FXYD6: variants seen among roughly 807,000 people sequenced by gnomAD.
FXYD6 encodes the protein FXYD domain containing ion transport regulator 6.
A neutral mutation model predicts 16.7 loss-of-function variants in FXYD6; 7 were observed. The ratio of observed to expected loss-of-function variants is 0.42; its 90% CI spans 0.24 to 0.79. The LOEUF (loss-of-function observed/expected upper bound fraction) is 0.79, where lower values mean the gene tolerates loss of function less well. FXYD6 is among the 30% of genes least tolerant of loss of function. The pLI, the probability that FXYD6 is intolerant of heterozygous loss-of-function variation, is 0.28. For synonymous variants in FXYD6, 49 were observed against 43.0 expected (o/e 1.14, Z -0.54); for missense variants, 111 against 116.2 (o/e 0.95, Z 0.21).
At chr11:117,857,642 C>T (rs1022041324) in intron 1 of FXYD6, among the ~76,000 whole-genome samples, 1 of 152,048 alleles carries the variant, frequency 6.6e-6, no homozygotes, top group Admixed American at 6.5e-5. Flanking sequence ...CTCTTGACCT[C>T]GTGAGCCGCC....
At chr11:117,839,998 T>C in intron 6 of FXYD6, 168 bp from the exon 7 acceptor site, 1 of 837,242 alleles carries the variant, frequency 1.2e-6, no homozygotes, top group South Asian at 1.6e-5. Flanking sequence ...TACTTGCTGC[T>C]TACAGGAACC....
At chr11:117,859,850 T>C (rs2056864150) in intron 1 of FXYD6, among the ~76,000 whole-genome samples, 1 of 152,198 alleles carries the variant, frequency 6.6e-6, no homozygotes, top group African/African-American at 2.4e-5. Flanking sequence ...AGCTTCCCTG[T>C]TTTCATCCTT....
chr11:117,859,086 C>A (rs2134181840), intron 1 of FXYD6, among the ~76,000 whole-genome samples: 1 of 151,700 alleles, frequency 6.6e-6, no homozygotes, highest in African/African-American at 2.4e-5. Flanking sequence ...GATTCTGTGT[C>A]ATTTTCAACC....
chr11:117,872,207 G>A lies in FXYD6; in HGVS notation c.-6+4385C>T, dbSNP rs77157099. ...AGCTCTTCGGGAGAGGTGACAGGGC[G>A]TGTGAGAATGTGTGAGCCACTGCCT... is the stretch of plus-strand genomic sequence containing the variant. On this transcript the variant is annotated intron_variant, in intron 1 of 7. Transcript: ENST00000526014. The surrounding 1 kb of genome is among the most constrained non-coding windows in gnomAD (Gnocchi z 4.9). 9.1e-3 allele frequency among the ~76,000 whole-genome samples: 1,390 copies of A among 152,296 alleles called. 11 individuals carry two copies. The highest frequency in any genetic ancestry group is 0.012 in the Non-Finnish European group (814 of 68,026).
chr11:117,842,314 AG>A lies in FXYD6; in HGVS notation c.59-287del, dbSNP rs918819551. On this transcript the variant is annotated intron_variant, in intron 2 of 7. Transcript: ENST00000526014. ...TATTCTTACATCATCCCCAGAAGGC[AG>A]GGTCAGTTTTCCTCTTGTGACACAC... is the stretch of plus-strand genomic sequence containing the variant. The A allele has an allele frequency of 9.2e-5, 53 of 578,224 alleles. 1 individual carries two copies. In the Middle Eastern group the frequency reaches 1.8e-3, roughly 20 times the overall value. 35.8% of individuals were successfully genotyped at this position (578,224 alleles called of 1,614,324 possible).
rs1565323722 is a variant in FXYD6 at position 117,858,700 on chromosome 11, T to TC, written c.-5-15920_-5-15919insG. On this transcript the variant is annotated intron_variant, in intron 1 of 7. Transcript: ENST00000526014. Reference sequence around the variant, plus strand: ...CTTTCTTTCTTTCTTTCTTTCTTTCTTTCTCTCTCTCTCTCCTTCCTTCCC... The same window carrying TC: ...CTTTCTTTCTTTCTTTCTTTCTTTCTCTTCTCTCTCTCTCTCCTTCCTTCCC... Among the ~76,000 whole-genome samples the TC allele has an allele frequency of 8.3e-3, 457 of 54,818 alleles. 10 individuals are homozygous for TC. Among genetic ancestry groups the TC allele is most frequent in the African/African-American group, 0.041 (413 of 10,158 alleles). The allele number at this position is 54,818 out of a possible 152,430, so 36.0% of individuals were successfully genotyped here. A position where few individuals can be genotyped will look rare whatever the true frequency, so the allele number is the denominator to read the frequency against.
chr11:117,857,474 A>G (rs1485737378), intron 1 of FXYD6, among the ~76,000 whole-genome samples: 2 of 150,920 alleles, frequency 1.3e-5, no homozygotes, highest in Non-Finnish European at 2.9e-5. Context: ...CAGTGGCGCA[A>G]TCTTGGCTCA....
At position 117,870,206 on chromosome 11, in the gene FXYD6, G is replaced by C. The variant is rs2057104775; in HGVS notation, c.-6+6386C>G. Among the ~76,000 whole-genome samples, 2 of 152,268 alleles carry C rather than the reference G, an allele frequency of 1.3e-5. No individual in the cohort carries two copies. Among genetic ancestry groups the C allele is most frequent in the African/African-American group, 4.8e-5 (2 of 41,470 alleles). On this transcript the variant is annotated intron_variant, in intron 1 of 7. Coordinates refer to ENST00000526014, the MANE Select transcript of FXYD6 (RefSeq NM_022003.4). The surrounding 1 kb of genome is among the most constrained non-coding windows in gnomAD (Gnocchi z 4.2). ...CAGAGGGAGTCAGAGTGGGATTCAGGCCTCCTGCCTGCCAGCACAGGGGCT... is the reference window on the plus strand; with the variant it reads ...CAGAGGGAGTCAGAGTGGGATTCAGCCCTCCTGCCTGCCAGCACAGGGGCT...
chr11:117,861,742 C>T (rs1266622030), intron 1 of FXYD6, among the ~76,000 whole-genome samples: 1 of 152,228 alleles, frequency 6.6e-6, no homozygotes, highest in Non-Finnish European at 1.5e-5. Flanking sequence ...CCCTTCCCTT[C>T]CTTTTAACAT....
At position 117,842,786 on chromosome 11, in the gene FXYD6, G is replaced by A. The variant is rs368527556; in HGVS notation, c.-5-5C>T. 8 of 1,558,970 alleles carry A rather than the reference G, an allele frequency of 5.1e-6. No homozygotes were observed. Among genetic ancestry groups the A allele is most frequent in the Non-Finnish European group, 7.0e-6 (8 of 1,150,884 alleles). On this transcript the variant is annotated splice_polypyrimidine_tract_variant and splice_region_variant and intron_variant, in intron 1 of 7. Coordinates refer to ENST00000526014, the MANE Select transcript of FXYD6 (RefSeq NM_022003.4). The stretch of plus-strand genomic sequence containing the variant: ...CCAGCACCAACTCCATGGCGTCTGG[G>A]GACAGAGGGAGGAAAAAATGATTCT...
intron 1 of FXYD6, among the ~76,000 whole-genome samples, chr11:117,845,884 CA>C (rs991011269): frequency 6.6e-6 from 1 of 152,220 alleles, no homozygotes; most frequent in East Asian, 1.9e-4. Flanking sequence ...TGTTTCTTTA[CA>C]AAAAACATTT....
chr11:117,842,722 TG>T lies in FXYD6; in HGVS notation c.54del (p.Ser19ValfsTer19). On this transcript the variant is annotated frameshift_variant, in exon 2 of 8. Transcript: ENST00000526014. LOFTEE classifies it high-confidence loss of function. The stretch of plus-strand genomic sequence containing the variant: ...CAGGTCCCAGAGGGGTACTTACCAC[TG>T]GCCAGGACCATGGGGGCCAGCAGGC... ...LCSLLAPMVL[A>X]SAAEKEKEMD... The T allele has an allele frequency of 6.4e-7, 1 of 1,567,126 alleles. No individual in the cohort carries two copies. The highest frequency in any genetic ancestry group is 1.9e-5 in the Admixed American group (1 of 53,310).
chr11:117,858,721 T>TTCCC lies in FXYD6; in HGVS notation c.-5-15944_-5-15941dup, dbSNP rs1565323924. Among the ~76,000 whole-genome samples the TTCCC allele has an allele frequency of 4.8e-4, 42 of 88,092 alleles. 1 individual carries two copies. The highest frequency in any genetic ancestry group is 1.6e-3 in the African/African-American group (36 of 23,026). 57.8% of individuals were successfully genotyped at this position (88,092 alleles called of 152,430 possible). On this transcript the variant is annotated intron_variant, in intron 1 of 7. Coordinates refer to ENST00000526014, the MANE Select transcript of FXYD6 (RefSeq NM_022003.4). ...TTTCTTTCTCTCTCTCTCTCCTTCC[T>TTCCC]TCCCTTCCTTCCTTCCTTCCTTCCT...
intron 1 of FXYD6, among the ~76,000 whole-genome samples, chr11:117,849,346 G>A (rs1030454430): frequency 6.6e-6 from 1 of 152,118 alleles, no homozygotes; most frequent in African/African-American, 2.4e-5. Context: ...GTGCACCAAG[G>A]TCACAAAACA....
Position 117,857,076 on chromosome 11 carries a change from C to T in FXYD6, c.-5-14295G>A, listed in dbSNP as rs116589228. 9.6e-3 allele frequency among the ~76,000 whole-genome samples: 1,456 copies of T among 152,214 alleles called. 25 individuals are homozygous for T. The highest frequency in any genetic ancestry group is 0.033 in the African/African-American group (1,379 of 41,532). ...GCGAGGCCCTGCAGGAATGGGGTGG[C>T]CAGGGACATGAGAGGGCAGGAGGGA... On this transcript the variant is annotated intron_variant, in intron 1 of 7. Coordinates refer to ENST00000526014, the MANE Select transcript of FXYD6 (RefSeq NM_022003.4).
chr11:117,863,148 A>C (rs1334157402), intron 1 of FXYD6, among the ~76,000 whole-genome samples: 3 of 152,206 alleles, frequency 2.0e-5, no homozygotes, highest in East Asian at 3.8e-4. Flanking sequence ...ACAGCTAACA[A>C]AAGCATACCT....
rs769791951 is a variant in FXYD6 at position 117,840,409 on chromosome 11, A to C, written c.210-41T>G. On this transcript the variant is annotated intron_variant, in intron 5 of 7. Coordinates refer to ENST00000526014, the MANE Select transcript of FXYD6 (RefSeq NM_022003.4). ...ACACACAGCCCCATCAGAGATCTCC[A>C]GGGCAGACCCAGAGAGCATCGTTCT... 14 of 1,613,792 alleles carry C rather than the reference A, an allele frequency of 8.7e-6. No individual in the cohort carries two copies. In the South Asian group the frequency reaches 1.3e-4, roughly 15 times the overall value.
intron 1 of FXYD6, among the ~76,000 whole-genome samples, chr11:117,858,702 TC>T (rs2056816127): frequency 4.1e-5 from 2 of 48,280 alleles, no homozygotes; most frequent in African/African-American, 1.3e-4. Context: ...TTTCTTTCTT[TC>T]TCTCTCTCTC....
intron 5 of FXYD6, among the ~76,000 whole-genome samples, chr11:117,840,660 G>A (rs1365048401): frequency 6.6e-6 from 1 of 152,124 alleles, no homozygotes; most frequent in Non-Finnish European, 1.5e-5. Context: ...TGGACTTCTG[G>A]GGTCCAAGCT....
Sources: gnomAD v4.1 joint callset for allele counts (sites outside exome capture counted in the v4.1 genomes callset) on GRCh38, gnomAD v4.1.1 for gene constraint, Gnocchi (gnomAD v3.1) non-coding constraint, MANE v1.5 for transcripts, NCBI Gene and HGNC (gene_info 2026-07-23, HGNC 2026-07-21) for gene names.